Variants in NIBAN2 observed in about 807,000 individuals in gnomAD.
The protein encoded by NIBAN2 is niban apoptosis regulator 2, also known as protein Niban 2.
In NIBAN2, 36 loss-of-function variants were observed where a neutral mutation model predicts 81.8. The observed-to-expected ratio is 0.44, with a 90% CI of 0.34 to 0.58. The LOEUF is 0.58. Ranked by LOEUF, NIBAN2 falls within the 20% of genes least tolerant of loss-of-function variation. The probability of loss-of-function intolerance (pLI) is 0.02; values close to 1 mark genes in which losing one functional copy is unlikely to be tolerated. For missense variants in NIBAN2, 897 were observed against 1,014.1 expected (o/e 0.88, Z 1.57); for synonymous variants, 445 against 441.6 (o/e 1.01, Z -0.10).
intron 3 of NIBAN2, among the ~76,000 whole-genome samples, chr9:127,525,908 A>C (rs1837053983): frequency 6.6e-6 from 1 of 152,210 alleles, no homozygotes; most frequent in Non-Finnish European, 1.5e-5. Flanking sequence ...CTGGAGAATT[A>C]GGTCTAGAAA....
chr9:127,507,164 G>A lies in NIBAN2; in HGVS notation c.1922C>T (p.Ser641Leu). The A allele has an allele frequency of 6.2e-7, 1 of 1,611,568 alleles. No individual in the cohort carries two copies. The highest frequency in any genetic ancestry group is 8.5e-7 in the Non-Finnish European group (1 of 1,179,360). Residue 641 changes from serine to leucine, a missense_variant, in exon 14 of 14, where the codon TCA becomes TTA. Ser to Leu is a moderately radical substitution (Grantham distance 145, BLOSUM62 -2). Coordinates refer to ENST00000373312, the MANE Select transcript of NIBAN2 (RefSeq NM_022833.4). The surrounding 1 kb of genome is among the most constrained non-coding windows in gnomAD (Gnocchi z 6.8). ...ACCGTCCGGGGACGCAGGTGGTGGT[G>A]ACTCAGGGCTAGCCTCAAAGGGCAG... ...VGLPFEASPE[S>L]PPPASPDGVT...
upstream of NIBAN2, among the ~76,000 whole-genome samples, chr9:127,572,736 C>T (rs954045748): frequency 6.6e-6 from 1 of 151,700 alleles, no homozygotes; most frequent in Non-Finnish European, 1.5e-5. Flanking sequence ...TAAATTGTTG[C>T]GAGGATTTTT....
intron 5 of NIBAN2, among the ~76,000 whole-genome samples, chr9:127,523,191 AAATATATATATATATATAT>A (rs1836985555): frequency 1.9e-4 from 3 of 15,510 alleles, no homozygotes; most frequent in Non-Finnish European, 3.2e-4. Context: ...AAAAAAAAAA[AAATATATATATATATATAT>A]ATATATATAT....
chr9:127,556,003 G>C (rs577996233), intron 1 of NIBAN2, among the ~76,000 whole-genome samples: 1 of 152,052 alleles, frequency 6.6e-6, no homozygotes, highest in Admixed American at 6.5e-5. Context: ...GGGGCCACCA[G>C]GACCAGGGCC....
intron 1 of NIBAN2, among the ~76,000 whole-genome samples, chr9:127,565,617 AC>A (rs1383501743): frequency 1.3e-5 from 2 of 151,250 alleles, no homozygotes; most frequent in Non-Finnish European, 3.0e-5. Context: ...ATATGGTGAA[AC>A]CCCCGTCTCT....
At chr9:127,556,275 C>A (rs1837668365) in intron 1 of NIBAN2, among the ~76,000 whole-genome samples, 3 of 152,064 alleles carry the variant, frequency 2.0e-5, no homozygotes, top group Admixed American at 2.0e-4. Flanking sequence ...ACGGAGGGGC[C>A]CAAACCACTC....
rs779581744 is a variant in NIBAN2 at position 127,517,555 on chromosome 9, AGC to A, written c.705+269_705+270del. On this transcript the variant is annotated intron_variant, in intron 6 of 13. Transcript: ENST00000373312. The surrounding 1 kb of genome is among the most constrained non-coding windows in gnomAD (Gnocchi z 4.0). Reference sequence around the variant, plus strand: ...TGTCTGTTTCTCCTGCTATACGGAGAGCTCCCTGAGGGCCAGGAATTTGTCCA... The same window carrying A: ...TGTCTGTTTCTCCTGCTATACGGAGATCCCTGAGGGCCAGGAATTTGTCCA... Among the ~76,000 whole-genome samples the A allele has an allele frequency of 6.6e-6, 1 of 152,000 alleles. No individual in the cohort carries two copies. Among genetic ancestry groups the A allele is most frequent in the Non-Finnish European group, 1.5e-5 (1 of 68,008 alleles).
chr9:127,546,400 C>T (rs1422675547), intron 1 of NIBAN2, among the ~76,000 whole-genome samples: 2 of 152,184 alleles, frequency 1.3e-5, no homozygotes, highest in Non-Finnish European at 2.9e-5. Flanking sequence ...TGCTGTGGCT[C>T]GTGCACATTG....
At chr9:127,542,745 C>A (rs374149255) in intron 1 of NIBAN2, among the ~76,000 whole-genome samples, 1 of 152,206 alleles carries the variant, frequency 6.6e-6, no homozygotes, top group African/African-American at 2.4e-5. Flanking sequence ...TGTTTTGAGA[C>A]GGAGTCTGGC....
At chr9:127,521,678 C>T (rs879387279) in intron 5 of NIBAN2, among the ~76,000 whole-genome samples, 3 of 152,148 alleles carry the variant, frequency 2.0e-5, no homozygotes, top group Non-Finnish European at 4.4e-5. Context: ...GGCCTGAAAC[C>T]AGCCTCGTCA....
chr9:127,509,832 CCTTCCCT>C (rs1247728668), intron 9 of NIBAN2: 4 of 163,674 alleles, frequency 2.4e-5, no homozygotes, highest in African/African-American at 1.0e-4. Context: ...CTCCTTCCCT[CCTTCCCT>C]CTCCCCTCCT....
At chr9:127,572,957 A>G (rs2132247245), upstream of NIBAN2, among the ~76,000 whole-genome samples, 1 of 152,280 alleles carries the variant, frequency 6.6e-6, no homozygotes, top group East Asian at 1.9e-4. Context: ...CAAAGCAGGA[A>G]GACCTTGAGC....
chr9:127,552,663 T>C (rs1001921681), intron 1 of NIBAN2, among the ~76,000 whole-genome samples: 4 of 150,914 alleles, frequency 2.7e-5, no homozygotes, highest in African/African-American at 9.7e-5. Flanking sequence ...ATATAGACTA[T>C]TGAGGCGTAA....
chr9:127,546,065 C>A (rs1057020856), intron 1 of NIBAN2, among the ~76,000 whole-genome samples: 2 of 152,210 alleles, frequency 1.3e-5, no homozygotes, highest in Non-Finnish European at 2.9e-5. Context: ...GGGGTGGGCA[C>A]CCAAGGCTGC....
At position 127,510,336 on chromosome 9, in the gene NIBAN2, GT is replaced by G. The variant is rs761615690; in HGVS notation, c.974-4del. The G allele has an allele frequency of 1.3e-6, 2 of 1,590,368 alleles. No homozygotes were observed. The highest frequency in any genetic ancestry group is 1.7e-6 in the Non-Finnish European group (2 of 1,163,374). On this transcript the variant is annotated splice_region_variant and splice_polypyrimidine_tract_variant and intron_variant, in intron 8 of 13. Transcript: ENST00000373312. ...CTCTGCCTTGGGGAGGATGAAGGCTGTGCCCCGAGGGAGCCGGGTCAGCAGG... is the reference window on the plus strand; with the variant it reads ...CTCTGCCTTGGGGAGGATGAAGGCTGGCCCCGAGGGAGCCGGGTCAGCAGG...
At chr9:127,568,699 C>T in intron 1 of NIBAN2, 121 bp downstream of exon 1, 1 of 902,424 alleles carries the variant, frequency 1.1e-6, no homozygotes, top group Non-Finnish European at 1.4e-6. Context: ...TGGCAGCTCC[C>T]ACCGGCCCGG....
rs1427947478 is a variant in NIBAN2 at position 127,506,905 on chromosome 9, GC to G, written c.2180del (p.Ser727ThrfsTer26). On this transcript the variant is annotated frameshift_variant, in exon 14 of 14. Coordinates refer to ENST00000373312, the MANE Select transcript of NIBAN2 (RefSeq NM_022833.4). LOFTEE classifies it high-confidence loss of function. ...TGGTGGTGTGGAGGGCGGGGTGGCT[GC>G]TGGGGCTGGACACCTGCTCTCCAGT... ...QETGEQVSSPSSHPALHTTTE... is the reference protein window; with the variant it reads ...QETGEQVSSPXSHPALHTTTE... The G allele has an allele frequency of 7.4e-6, 12 of 1,612,388 alleles. No homozygotes were observed. Among genetic ancestry groups the G allele is most frequent in the Admixed American group, 5.0e-5 (3 of 59,874 alleles).
At chr9:127,560,959 G>A (rs1349652364) in intron 1 of NIBAN2, among the ~76,000 whole-genome samples, 1 of 152,192 alleles carries the variant, frequency 6.6e-6, no homozygotes, top group Non-Finnish European at 1.5e-5. Context: ...AAGGCACAGA[G>A]AGGCATGGCC....
chr9:127,518,458 T>G (rs182126482), intron 5 of NIBAN2, among the ~76,000 whole-genome samples: 34 of 152,334 alleles, frequency 2.2e-4, no homozygotes, highest in Admixed American at 2.1e-3. Context: ...GCAGCAGATA[T>G]TCTCAGCCCG....
Sources: allele counts gnomAD v4.1 joint callset (sites outside exome capture counted in the v4.1 genomes callset), GRCh38; gene constraint gnomAD v4.1.1; non-coding constraint Gnocchi (gnomAD v3.1); transcripts MANE v1.5; gene names NCBI Gene and HGNC (gene_info 2026-07-23, HGNC 2026-07-21).